Variants in FAM72B observed in about 807,000 individuals in gnomAD.
FAM72B encodes the protein protein FAM72B.
Under a neutral mutation model 12.6 loss-of-function variants are expected in FAM72B, and 4 were observed. The ratio of observed to expected loss-of-function variants is 0.32; its 90% CI spans 0.16 to 0.73. The LOEUF (loss-of-function observed/expected upper bound fraction) is 0.73. Among genes scored for constraint, FAM72B ranks in the 30% least tolerant of loss-of-function variants. The probability of loss-of-function intolerance (pLI) is 0.67; values close to 1 mark genes in which losing one functional copy is unlikely to be tolerated. For synonymous variants in FAM72B, 13 were observed against 53.9 expected, an observed-to-expected ratio of 0.24 and a Z score of 3.32; for missense variants, 61 against 158.4, an observed-to-expected ratio of 0.39 and a Z score of 3.30.
At chr1:121,179,906 A>T (rs1315294112) in intron 2 of FAM72B, among the ~76,000 whole-genome samples, 2 of 140,928 alleles carry the variant, frequency 1.4e-5, no homozygotes, top group Non-Finnish European at 3.0e-5. Flanking sequence ...TTGTATTTCC[A>T]GCCCTTGTAA....
intron 2 of FAM72B, among the ~76,000 whole-genome samples, chr1:121,180,554 AAAAG>A (rs1192941665): frequency 1.1e-4 from 15 of 140,946 alleles, no homozygotes; most frequent in Non-Finnish European, 1.7e-4. Context: ...CCTTCTCAAA[AAAAG>A]AAAGAAAGAA....
rs184022878 is a variant in FAM72B, at chr1:121,173,149, T to A, written c.355+4059A>T. On this transcript the variant is annotated intron_variant, in intron 3 of 3. Transcript: ENST00000369390. ...CACAAGGAAAAAGAAATTTTTTTTT[T>A]AAAAGAATTGGTAGTGTACTTTCTT... 1.0e-2 allele frequency among the ~76,000 whole-genome samples: 1,512 copies of A among 151,290 alleles called. 17 individuals are homozygous for A. Among genetic ancestry groups the A allele is most frequent in the African/African-American group, 0.034 (1,392 of 41,052 alleles).
At position 121,179,373 on chromosome 1, in the gene FAM72B, G is replaced by A. The variant is rs587624147; in HGVS notation, c.230+1898C>T. Among the ~76,000 whole-genome samples the A allele has an allele frequency of 6.3e-3, 958 of 151,270 alleles. 10 individuals carry two copies. Among genetic ancestry groups the A allele is most frequent in the African/African-American group, 0.022 (919 of 41,112 alleles). ...AGCCTGGGCAACAGAGCAAGACTCC[G>A]TCTCAAAACAAAACAAAAAAAATGT... On this transcript the variant is annotated intron_variant, in intron 2 of 3. Coordinates refer to ENST00000369390, the MANE Select transcript of FAM72B (RefSeq NM_001100910.2).
Position 121,183,320 on chromosome 1 carries a change from G to A in FAM72B, c.152+18C>T, listed in dbSNP as rs1553317957. 5.0e-6 allele frequency: 5 copies of A among 1,005,378 alleles called. No individual in the cohort carries two copies. Among genetic ancestry groups the A allele is most frequent in the Non-Finnish European group, 6.9e-6 (5 of 724,512 alleles). The allele number at this position is 1,005,378 out of a possible 1,614,324, so 62.3% of individuals were successfully genotyped here. On this transcript the variant is annotated intron_variant, in intron 1 of 3. Coordinates refer to ENST00000369390, the MANE Select transcript of FAM72B (RefSeq NM_001100910.2). ...ATTTAGTTAAAAGCTACCGTTGCCC[G>A]CCACTAGCATGACTTACTTGGTAGG... is the stretch of plus-strand genomic sequence containing the variant.
Position 121,170,096 on chromosome 1 carries a change from G to A in FAM72B, c.356-1261C>T, listed in dbSNP as rs191582989. The stretch of plus-strand genomic sequence containing the variant: ...AGTGATTCTCATGCCTCAGCCTCCC[G>A]AGTAGCTGGGACTACAGGCAAATGC... On this transcript the variant is annotated intron_variant, in intron 3 of 3. Transcript: ENST00000369390. Among the ~76,000 whole-genome samples the A allele has an allele frequency of 2.0e-4, 31 of 152,020 alleles. No homozygotes were observed. The East Asian group carries it at 3.7e-3, about 18-fold the overall frequency.
Position 121,183,533 on chromosome 1 carries a change from C to T in FAM72B, c.-44G>A. On this transcript the variant is annotated 5_prime_UTR_variant, in exon 1 of 4. Transcript: ENST00000369390. ...AGGTGTGGGATTTTGAAAAAGGAAA[C>T]AAGAGTAATGCTCCTACTATTTTGA... The T allele has an allele frequency of 6.3e-7, 1 of 1,599,338 alleles. No homozygotes were observed. The highest frequency in any genetic ancestry group is 8.5e-7 in the Non-Finnish European group (1 of 1,173,982).
At chr1:121,168,956 T>G (rs1458411956) in intron 3 of FAM72B, 121 bp from the exon 4 acceptor site, 8 of 575,144 alleles carry the variant, frequency 1.4e-5, no homozygotes, top group Non-Finnish European at 2.5e-5. Context: ...GTAAAAAGAG[T>G]AGCTATTGAA....
chr1:121,176,304 G>A (rs1278444915), intron 3 of FAM72B, among the ~76,000 whole-genome samples: 1 of 132,188 alleles, frequency 7.6e-6, no homozygotes, highest in East Asian at 2.3e-4. Context: ...TGGGTAGCTG[G>A]GACGATAGTA....
intron 3 of FAM72B, among the ~76,000 whole-genome samples, chr1:121,174,645 G>A (rs1388348931): frequency 2.6e-5 from 4 of 151,034 alleles, no homozygotes; most frequent in African/African-American, 9.7e-5. Flanking sequence ...GGGATTACAG[G>A]TGTGAGCCAC....
At chr1:121,172,596 C>T (rs1654116217) in intron 3 of FAM72B, among the ~76,000 whole-genome samples, 1 of 146,032 alleles carries the variant, frequency 6.8e-6, no homozygotes, top group South Asian at 2.1e-4. Context: ...AACCCCGTCC[C>T]TACTAAAAAT....
chr1:121,183,912 C>T lies in FAM72B; in HGVS notation c.-423G>A, dbSNP rs1553318151. The stretch of plus-strand genomic sequence containing the variant: ...TCTCCTCTTTTAAGACATCCCTTCC[C>T]CAGCATTAAGCCCCTCCCCCGGAGC... On this transcript the variant is annotated 5_prime_UTR_variant, in exon 1 of 4. Transcript: ENST00000369390. 6.1e-6 allele frequency: 1 copy of T among 164,600 alleles called. No homozygotes were observed. The highest frequency in any genetic ancestry group is 2.5e-5 in the African/African-American group (1 of 39,730). 10.2% of individuals were successfully genotyped at this position (164,600 alleles called of 1,614,324 possible). A position where few individuals can be genotyped will look rare whatever the true frequency, so the allele number is the denominator to read the frequency against.
Position 121,168,565 on chromosome 1 carries a change from C to G in FAM72B, c.*176G>C. ...GTAGAAGTAGAGGAAAAGCACAACT[C>G]CACTGGCTTCAATCAAACTGAGGTA... is the stretch of plus-strand genomic sequence containing the variant. On this transcript the variant is annotated 3_prime_UTR_variant, in exon 4 of 4. Coordinates refer to ENST00000369390, the MANE Select transcript of FAM72B (RefSeq NM_001100910.2). 1.4e-6 allele frequency: 1 copy of G among 715,812 alleles called. No homozygotes were observed. The highest frequency in any genetic ancestry group is 2.1e-6 in the Non-Finnish European group (1 of 471,904). 44.3% of individuals were successfully genotyped at this position (715,812 alleles called of 1,614,324 possible). A position where few individuals can be genotyped will look rare whatever the true frequency, so the allele number is the denominator to read the frequency against.
At chr1:121,180,890 A>C (rs1270557889) in intron 2 of FAM72B, among the ~76,000 whole-genome samples, 1 of 152,194 alleles carries the variant, frequency 6.6e-6, no homozygotes, top group Non-Finnish European at 1.5e-5. Context: ...CCTAGAAATT[A>C]AATAAGAAAA....
rs1209262958 is a variant in FAM72B at position 121,168,577 on chromosome 1, A to T, written c.*164T>A. 1 of 828,808 alleles carries T rather than the reference A, an allele frequency of 1.2e-6. No homozygotes were observed. The highest frequency in any genetic ancestry group is 3.6e-5 in the Admixed American group (1 of 28,074). The allele number at this position is 828,808 out of a possible 1,614,324, so 51.3% of individuals were successfully genotyped here. On this transcript the variant is annotated 3_prime_UTR_variant, in exon 4 of 4. Coordinates refer to ENST00000369390, the MANE Select transcript of FAM72B (RefSeq NM_001100910.2). Reference sequence around the variant, plus strand: ...GAAAAGCACAACTCCACTGGCTTCAATCAAACTGAGGTAACTAATTAGAGA... The same window carrying T: ...GAAAAGCACAACTCCACTGGCTTCATTCAAACTGAGGTAACTAATTAGAGA...
chr1:121,170,927 AC>A (rs1654077881), intron 3 of FAM72B, among the ~76,000 whole-genome samples: 1 of 74,284 alleles, frequency 1.3e-5, no homozygotes, highest in Non-Finnish European at 2.5e-5. Context: ...CCCCATCCCC[AC>A]CCCCACCCTA....
intron 2 of FAM72B, among the ~76,000 whole-genome samples, chr1:121,180,862 CAAAG>C (rs1425035048): frequency 6.6e-6 from 1 of 152,068 alleles, no homozygotes; most frequent in African/African-American, 2.4e-5. Context: ...CCTCTAAAAA[CAAAG>C]AAAGGAGTAA....
chr1:121,168,504 C>T lies in FAM72B; in HGVS notation c.*237G>A. On this transcript the variant is annotated 3_prime_UTR_variant, in exon 4 of 4. Coordinates refer to ENST00000369390, the MANE Select transcript of FAM72B (RefSeq NM_001100910.2). ...ATCTTCCCGTCTGAATTTAAGAATA[C>T]ACCTACACTGGGCAGAAAAAGGTGG... 5.2e-6 allele frequency: 2 copies of T among 387,826 alleles called. No homozygotes were observed. Among genetic ancestry groups the T allele is most frequent in the Non-Finnish European group, 9.4e-6 (2 of 213,724 alleles). The allele number at this position is 387,826 out of a possible 1,614,324, so 24.0% of individuals were successfully genotyped here. A position where few individuals can be genotyped will look rare whatever the true frequency, so the allele number is the denominator to read the frequency against.
intron 3 of FAM72B, among the ~76,000 whole-genome samples, chr1:121,175,145 A>G (rs1407482363): frequency 6.6e-6 from 1 of 152,166 alleles, no homozygotes; most frequent in Non-Finnish European, 1.5e-5. Flanking sequence ...TAGGGTTCTT[A>G]GGAATTATGC....
chr1:121,176,630 T>C (rs1553316883), intron 3 of FAM72B, among the ~76,000 whole-genome samples: 2 of 132,600 alleles, frequency 1.5e-5, no homozygotes, highest in Non-Finnish European at 3.2e-5. Context: ...GCTTGCTTTA[T>C]TATGGTGGTC....
Sources: allele counts gnomAD v4.1 joint callset (sites outside exome capture counted in the v4.1 genomes callset), GRCh38; gene constraint gnomAD v4.1.1; transcripts MANE v1.5; gene names NCBI Gene and HGNC (gene_info 2026-07-23, HGNC 2026-07-21).